The following MRPS35 variants were observed in gnomAD, a reference collection of about 807,000 sequenced individuals.
MRPS35 encodes small ribosomal subunit protein mS35.
In MRPS35, 29 loss-of-function variants were observed where a neutral mutation model predicts 32.7. The ratio of observed to expected loss-of-function variants is 0.89; its 90% CI spans 0.66 to 1.21. The LOEUF (loss-of-function observed/expected upper bound fraction) is 1.21, where lower values mean the gene tolerates loss of function less well. MRPS35 is among the 50% of genes most tolerant of loss of function. The pLI is 0.00. For synonymous variants in MRPS35, 148 were observed against 139.3 expected (o/e 1.06, Z -0.44); for missense variants, 373 against 383.8 (o/e 0.97, Z 0.23).
chr12:27,750,462 T>C (rs2140784240), intron 7 of MRPS35, among the ~76,000 whole-genome samples: 1 of 152,306 alleles, frequency 6.6e-6, no homozygotes, highest in African/African-American at 2.4e-5. Context: ...ATCTTGGAAT[T>C]CTTATTCAGC....
intron 3 of MRPS35, among the ~76,000 whole-genome samples, chr12:27,719,057 A>G: frequency 6.6e-6 from 1 of 152,186 alleles, no homozygotes; most frequent in East Asian, 1.9e-4. Context: ...ACTGCACTCC[A>G]GCCTGGGTGA....
intron 2 of MRPS35, among the ~76,000 whole-genome samples, chr12:27,715,428 C>T (rs956261411): frequency 6.6e-6 from 1 of 152,150 alleles, no homozygotes; most frequent in Non-Finnish European, 1.5e-5. Flanking sequence ...CACCTGGCCT[C>T]CCAAAGTGCT....
At chr12:27,752,342 T>G (rs2062008267) in intron 7 of MRPS35, among the ~76,000 whole-genome samples, 1 of 152,212 alleles carries the variant, frequency 6.6e-6, no homozygotes, top group Non-Finnish European at 1.5e-5. Context: ...AGTGTATAAT[T>G]ATATACACCA....
At chr12:27,711,106 C>T (rs964447595) in intron 1 of MRPS35, 151 bp downstream of exon 1, 5 of 720,104 alleles carry the variant, frequency 6.9e-6, no homozygotes, top group Non-Finnish European at 9.5e-6. Context: ...AAACCATGGA[C>T]GTGGGTCTGT....
chr12:27,727,110 G>A (rs1326437796), intron 5 of MRPS35, among the ~76,000 whole-genome samples: 54 of 151,740 alleles, frequency 3.6e-4, no homozygotes, highest in Non-Finnish European at 8.8e-5. Context: ...ACAGGCACCC[G>A]CCACCACGCC....
chr12:27,730,492 A>G (rs1414140523), intron 5 of MRPS35, among the ~76,000 whole-genome samples: 1 of 152,154 alleles, frequency 6.6e-6, no homozygotes, highest in African/African-American at 2.4e-5. Context: ...TCTGTCACTT[A>G]CGCTGGAGTG....
chr12:27,740,883 T>C (rs1480750196), intron 7 of MRPS35, among the ~76,000 whole-genome samples: 1 of 152,142 alleles, frequency 6.6e-6, no homozygotes, highest in Admixed American at 6.5e-5. Context: ...CATTCATTTA[T>C]CCTTCAGCAG....
intron 7 of MRPS35, among the ~76,000 whole-genome samples, chr12:27,743,099 G>C (rs951808658): frequency 5.3e-5 from 8 of 151,834 alleles, no homozygotes; most frequent in Admixed American, 2.0e-4. Flanking sequence ...GGGCTCAGGT[G>C]ATCCTCCTGC....
At chr12:27,720,048 A>G (rs1332880265) in intron 4 of MRPS35, among the ~76,000 whole-genome samples, 180 bp downstream of exon 4, 3 of 152,198 alleles carry the variant, frequency 2.0e-5, no homozygotes, top group African/African-American at 4.8e-5. Flanking sequence ...ATTAGAAACC[A>G]TGATCCTTGT....
intron 6 of MRPS35, among the ~76,000 whole-genome samples, chr12:27,736,935 G>A (rs529827939): frequency 1.3e-5 from 2 of 152,284 alleles, no homozygotes; most frequent in African/African-American, 4.8e-5. Context: ...GGAGGTCAGT[G>A]GCACAGTCAT....
chr12:27,739,831 T>A (rs2061956802), intron 7 of MRPS35, among the ~76,000 whole-genome samples: 1 of 152,242 alleles, frequency 6.6e-6, no homozygotes, highest in African/African-American at 2.4e-5. Flanking sequence ...ATAAATTCAG[T>A]GGAAGTTGAT....
chr12:27,712,548 G>A (rs1376242916), intron 1 of MRPS35, among the ~76,000 whole-genome samples: 2 of 152,186 alleles, frequency 1.3e-5, no homozygotes, highest in Non-Finnish European at 2.9e-5. Context: ...AGAAGGAGGT[G>A]TGGTTGTATT....
intron 7 of MRPS35, among the ~76,000 whole-genome samples, chr12:27,745,099 G>A (rs1383445378): frequency 2.0e-5 from 3 of 152,206 alleles, no homozygotes; most frequent in Middle Eastern, 3.4e-3. Context: ...CTACAGGTGT[G>A]CCACCACACC....
chr12:27,712,117 T>C (rs1232909051), intron 1 of MRPS35, among the ~76,000 whole-genome samples: 2 of 151,794 alleles, frequency 1.3e-5, no homozygotes, highest in Admixed American at 1.3e-4. Context: ...TCTGAGGAAG[T>C]GACATTTGAA....
intron 3 of MRPS35, among the ~76,000 whole-genome samples, chr12:27,716,781 A>G (rs1181998507): frequency 6.6e-6 from 1 of 152,144 alleles, no homozygotes; most frequent in East Asian, 1.9e-4. Context: ...TGAGGTCAGG[A>G]GTTCAAGACC....
chr12:27,725,304 G>A (rs1159657991), intron 5 of MRPS35, among the ~76,000 whole-genome samples: 1 of 152,150 alleles, frequency 6.6e-6, no homozygotes, highest in Non-Finnish European at 1.5e-5. Flanking sequence ...GTGTAATGTT[G>A]ATCACTTCAA....
intron 7 of MRPS35, among the ~76,000 whole-genome samples, chr12:27,741,246 A>G (rs761632499): frequency 6.6e-6 from 1 of 152,156 alleles, no homozygotes; most frequent in Non-Finnish European, 1.5e-5. Flanking sequence ...AGTATTACGT[A>G]TTGTTAGCAT....
intron 1 of MRPS35, among the ~76,000 whole-genome samples, chr12:27,712,637 A>G (rs975437169): frequency 2.0e-5 from 3 of 152,218 alleles, no homozygotes; most frequent in Non-Finnish European, 2.9e-5. Context: ...TCTCAAAAAA[A>G]TCCTGTTACA....
intron 5 of MRPS35, 97 bp from the exon 6 acceptor site, chr12:27,735,350 T>C (rs1022783980): frequency 3.5e-6 from 3 of 858,008 alleles, no homozygotes; most frequent in African/African-American, 3.5e-5. Context: ...GCTTTCTTTT[T>C]AGTGGATTTA....
Sources: allele counts gnomAD v4.1 joint callset (sites outside exome capture counted in the v4.1 genomes callset), GRCh38; gene constraint gnomAD v4.1.1; transcripts MANE v1.5; gene names NCBI Gene and HGNC (gene_info 2026-07-23, HGNC 2026-07-21).